Variants in CCSER2 observed in about 807,000 individuals in gnomAD.
CCSER2 encodes serine-rich coiled-coil domain-containing protein 2.
A neutral mutation model predicts 92.3 loss-of-function variants in CCSER2; 46 were observed. The observed-to-expected ratio is 0.50, with a 90% CI of 0.39 to 0.64. The LOEUF (loss-of-function observed/expected upper bound fraction) is 0.64. Among genes scored for constraint, CCSER2 ranks in the 30% least tolerant of loss-of-function variants. The pLI is 0.00. For missense variants in CCSER2, 1,244 were observed against 1,238.9 expected, an observed-to-expected ratio of 1.00 and a Z score of -0.06; for synonymous variants, 433 against 431.4, an observed-to-expected ratio of 1.00 and a Z score of -0.04.
rs774066269 is a variant in CCSER2, at chr10:84,421,770, A to C, written c.1705+3909A>C. ...AAAGTGGAACACATTTATTTAATCA[A>C]AATGGTACATGACACGGGATTCTTC... On this transcript the variant is annotated intron_variant, in intron 4 of 9. Transcript: ENST00000372088. 3.9e-5 allele frequency among the ~76,000 whole-genome samples: 6 copies of C among 152,234 alleles called. No homozygotes were observed. The East Asian group carries it at 1.2e-3, about 29-fold the overall frequency.
At chr10:84,442,946 G>T (rs1844666862) in intron 6 of CCSER2, among the ~76,000 whole-genome samples, 1 of 152,146 alleles carries the variant, frequency 6.6e-6, no homozygotes, top group Non-Finnish European at 1.5e-5. Flanking sequence ...CTAGCCATAT[G>T]CAGAAAACTG....
rs1240797076 is a variant in CCSER2, at chr10:84,514,582, G to A, written c.*315G>A. 1 of 311,228 alleles carries A rather than the reference G, an allele frequency of 3.2e-6. No homozygotes were observed. The highest frequency in any genetic ancestry group is 4.7e-5 in the Admixed American group (1 of 21,138). 19.3% of individuals were successfully genotyped at this position (311,228 alleles called of 1,614,324 possible). ...TCATAATATTTTACTGAGCAGGCAAGAAGTGTGCTTTGCTGGTTTAGTCCT... is the reference window on the plus strand; with the variant it reads ...TCATAATATTTTACTGAGCAGGCAAAAAGTGTGCTTTGCTGGTTTAGTCCT... On this transcript the variant is annotated 3_prime_UTR_variant, in exon 10 of 10. Transcript: ENST00000372088.
intron 1 of CCSER2, among the ~76,000 whole-genome samples, chr10:84,329,889 C>T (rs568024465): frequency 2.6e-5 from 4 of 152,084 alleles, no homozygotes; most frequent in Non-Finnish European, 4.4e-5. Context: ...TTTTTGTTTT[C>T]GTTTGTGTTC....
At chr10:84,344,003 A>G (rs1244263336) in intron 1 of CCSER2, among the ~76,000 whole-genome samples, 1 of 152,226 alleles carries the variant, frequency 6.6e-6, no homozygotes, top group Non-Finnish European at 1.5e-5. Context: ...TCAATGTGTC[A>G]TGTTCCTGGA....
intron 8 of CCSER2, among the ~76,000 whole-genome samples, chr10:84,472,669 A>G (rs1846887294): frequency 6.6e-6 from 1 of 152,202 alleles, no homozygotes; most frequent in Non-Finnish European, 1.5e-5. Flanking sequence ...AATTTAAGAC[A>G]AAGATTTATG....
intron 3 of CCSER2, among the ~76,000 whole-genome samples, chr10:84,408,831 C>T (rs951111458): frequency 6.6e-6 from 1 of 152,064 alleles, no homozygotes; most frequent in African/African-American, 2.4e-5. Context: ...TTCACACATA[C>T]TCAGACACAC....
chr10:84,489,692 C>A lies in CCSER2; in HGVS notation c.2325+12028C>A, dbSNP rs544722516. ...CACTGATGGGTCTTGACTCTTTATCCAATTTGCCAGTCTGTGTCTTTTAAT... is the reference window on the plus strand; with the variant it reads ...CACTGATGGGTCTTGACTCTTTATCAAATTTGCCAGTCTGTGTCTTTTAAT... On this transcript the variant is annotated intron_variant, in intron 9 of 9. Transcript: ENST00000372088. Among the ~76,000 whole-genome samples the A allele has an allele frequency of 1.4e-4, 22 of 152,226 alleles. No homozygotes were observed. The South Asian group carries it at 4.6e-3, about 32-fold the overall frequency.
rs117262370 is a variant in CCSER2, at chr10:84,417,427, T to C, written c.1615-344T>C. Among the ~76,000 whole-genome samples the C allele has an allele frequency of 4.5e-3, 684 of 152,318 alleles. 1 individual carries two copies. The highest frequency in any genetic ancestry group is 8.0e-3 in the Non-Finnish European group (544 of 68,032). On this transcript the variant is annotated intron_variant, in intron 3 of 9. Coordinates refer to ENST00000372088, the MANE Select transcript of CCSER2 (RefSeq NM_001284240.2). ...TAATAGAACAGCCTCTCACCTCTTA[T>C]ACCAATTATGAATAAATTTTGGGCA...
chr10:84,423,254 C>T (rs1843243800), intron 4 of CCSER2, among the ~76,000 whole-genome samples: 1 of 152,112 alleles, frequency 6.6e-6, no homozygotes, highest in South Asian at 2.1e-4. Flanking sequence ...TGATGGATGC[C>T]TTGAGAAGTT....
rs1589473963 is a variant in CCSER2 at position 84,373,615 on chromosome 10, G to A, written c.1418-4G>A. 1 of 1,595,394 alleles carries A rather than the reference G, an allele frequency of 6.3e-7. No homozygotes were observed. The highest frequency in any genetic ancestry group is 2.2e-5 in the East Asian group (1 of 44,556). The stretch of plus-strand genomic sequence containing the variant: ...GTGAATCAGTAACCTTTTTTCTCTT[G>A]AAGACAGGAGTGAATGTACAAAACA... On this transcript the variant is annotated splice_region_variant and splice_polypyrimidine_tract_variant and intron_variant, in intron 2 of 9. Transcript: ENST00000372088.
intron 5 of CCSER2, among the ~76,000 whole-genome samples, chr10:84,436,353 A>AAAAAGG (rs59522717): frequency 2.1e-5 from 2 of 96,572 alleles, no homozygotes; most frequent in Non-Finnish European, 4.3e-5. Context: ...AAAAAAAAAA[A>AAAAAGG]TGCCGGGCGC....
chr10:84,353,940 G>A (rs577260525), intron 1 of CCSER2, among the ~76,000 whole-genome samples: 1 of 152,252 alleles, frequency 6.6e-6, no homozygotes, highest in East Asian at 1.9e-4. Context: ...GCTCATGCCT[G>A]TAATCCCAGC....
At chr10:84,364,250 TAAA>T (rs953127796) in intron 1 of CCSER2, among the ~76,000 whole-genome samples, 1 of 152,166 alleles carries the variant, frequency 6.6e-6, no homozygotes, top group Non-Finnish European at 1.5e-5. Context: ...AATAAATATG[TAAA>T]AAATAAAGTA....
chr10:84,481,992 A>G (rs1389681305), intron 9 of CCSER2, among the ~76,000 whole-genome samples: 1 of 152,196 alleles, frequency 6.6e-6, no homozygotes, highest in Admixed American at 6.5e-5. Flanking sequence ...ATTAATTTAA[A>G]TGTAAATAGT....
chr10:84,373,980 A>G, intron 3 of CCSER2, 165 bp downstream of exon 3: 1 of 1,379,204 alleles, frequency 7.3e-7, no homozygotes, highest in Middle Eastern at 2.6e-4. Context: ...CTAATATGAA[A>G]TAAAGCATGG....
At chr10:84,400,908 C>T (rs1446957183) in intron 3 of CCSER2, among the ~76,000 whole-genome samples, 1 of 151,828 alleles carries the variant, frequency 6.6e-6, no homozygotes, top group Non-Finnish European at 1.5e-5. Flanking sequence ...AGCGAAACTC[C>T]ATCTCTAAAT....
intron 5 of CCSER2, among the ~76,000 whole-genome samples, chr10:84,433,092 C>T (rs1179111695): frequency 6.6e-6 from 1 of 152,174 alleles, no homozygotes; most frequent in Non-Finnish European, 1.5e-5. Context: ...CAATACCACA[C>T]ATGCCATTTT....
chr10:84,430,576 T>C (rs1843710528), intron 5 of CCSER2, among the ~76,000 whole-genome samples: 1 of 152,154 alleles, frequency 6.6e-6, no homozygotes, highest in South Asian at 2.1e-4. Flanking sequence ...AGCAGTTCTT[T>C]GGGAGTGGTG....
chr10:84,364,408 TC>T (rs1036189830), intron 1 of CCSER2, among the ~76,000 whole-genome samples: 1 of 152,196 alleles, frequency 6.6e-6, no homozygotes, highest in African/African-American at 2.4e-5. Context: ...TGTATTTCAT[TC>T]CTTTGTCATG....
Sources: gnomAD v4.1 joint callset for allele counts (sites outside exome capture counted in the v4.1 genomes callset) on GRCh38, gnomAD v4.1.1 for gene constraint, MANE v1.5 for transcripts, NCBI Gene and HGNC (gene_info 2026-07-23, HGNC 2026-07-21) for gene names.